Variants in HAUS8 observed in about 807,000 individuals in gnomAD.
HAUS8 encodes the protein HAUS augmin-like complex subunit 8.
HAUS8 carries 38 observed loss-of-function variants against 42.9 expected under a neutral mutation model. That is an observed-to-expected ratio of 0.89 (90% CI 0.68 to 1.16). The LOEUF (loss-of-function observed/expected upper bound fraction) is 1.16, where lower values mean the gene tolerates loss of function less well. Ranked by LOEUF, HAUS8 falls within the 50% of genes most tolerant of loss-of-function variation. The pLI is 0.00. For missense variants in HAUS8, 494 were observed against 511.6 expected, an observed-to-expected ratio of 0.97 and a Z score of 0.33; for synonymous variants, 199 against 205.8, an observed-to-expected ratio of 0.97 and a Z score of 0.28.
At position 17,062,156 on chromosome 19, in the gene HAUS8, G is replaced by A. The variant is rs150445971; in HGVS notation, c.229+542C>T. 1.4e-3 allele frequency among the ~76,000 whole-genome samples: 213 copies of A among 152,266 alleles called. 1 individual carries two copies. The highest frequency in any genetic ancestry group is 4.8e-3 in the African/African-American group (200 of 41,546). On this transcript the variant is annotated intron_variant, in intron 4 of 10. Coordinates refer to ENST00000253669, the MANE Select transcript of HAUS8 (RefSeq NM_033417.2). Reference sequence around the variant, plus strand: ...ATGTTGTTGAGACGGTGTCTCACTCGGTTGCCCAGGCTGGCATGCAATGGA... The same window carrying A: ...ATGTTGTTGAGACGGTGTCTCACTCAGTTGCCCAGGCTGGCATGCAATGGA...
intron 10 of HAUS8, chr19:17,052,541 C>T: frequency 3.5e-6 from 1 of 281,756 alleles, no homozygotes; most frequent in Non-Finnish European, 6.8e-6. Context: ...TCTGCCACTG[C>T]ACTCCAGCCT....
intron 8 of HAUS8, among the ~76,000 whole-genome samples, chr19:17,058,119 G>A (rs1214787740): frequency 6.6e-6 from 1 of 152,208 alleles, no homozygotes; most frequent in African/African-American, 2.4e-5. Context: ...ACTGGGTGGG[G>A]GGTCCGCCCC....
chr19:17,063,205 A>G (rs2057370843), intron 3 of HAUS8, among the ~76,000 whole-genome samples: 1 of 152,230 alleles, frequency 6.6e-6, no homozygotes, highest in African/African-American at 2.4e-5. Flanking sequence ...AAAATCTTAT[A>G]AAGAGCAATG....
chr19:17,072,968 A>AG (rs35022431), intron 2 of HAUS8, among the ~76,000 whole-genome samples: 1 of 150,450 alleles, frequency 6.6e-6, no homozygotes, highest in African/African-American at 2.4e-5. Context: ...AAAAAAAAAA[A>AG]GGCAGAGTTT....
chr19:17,063,718 C>T (rs1024872465), intron 3 of HAUS8, among the ~76,000 whole-genome samples: 2 of 152,132 alleles, frequency 1.3e-5, no homozygotes, highest in African/African-American at 2.4e-5. Flanking sequence ...GGCCTGAATA[C>T]AACAAAACAG....
rs746719670 is a variant in HAUS8 at position 17,055,143 on chromosome 19, AAT to A, written c.787+716_787+717del. 3.4e-3 allele frequency: 52 copies of A among 15,502 alleles called. 1 individual carries two copies. Among genetic ancestry groups the A allele is most frequent in the East Asian group, 0.012 (5 of 420 alleles). The allele number at this position is 15,502 out of a possible 1,614,324, so 1.0% of individuals were successfully genotyped here. A position where few individuals can be genotyped will look rare whatever the true frequency, so the allele number is the denominator to read the frequency against. ...AAAAAAAAAAAAAAAAAAAAAAAAA[AAT>A]ATATATATATATATATATATATATA... On this transcript the variant is annotated intron_variant, in intron 9 of 10. Coordinates refer to ENST00000253669, the MANE Select transcript of HAUS8 (RefSeq NM_033417.2).
At position 17,055,919 on chromosome 19, in the gene HAUS8, GGTA is replaced by G. The variant is rs777301806; in HGVS notation, c.726_728del (p.Thr243del). On this transcript the variant is annotated inframe_deletion, in exon 9 of 11. Coordinates refer to ENST00000253669, the MANE Select transcript of HAUS8 (RefSeq NM_033417.2). ...TGGACCTCACGGGCAGCTCGTGCCT[GGTA>G]GTGTCCAGGGCCGTGGCGAATGTCC... is the stretch of plus-strand genomic sequence containing the variant. 2.7e-5 allele frequency: 44 copies of G among 1,614,086 alleles called. No individual in the cohort carries two copies. The highest frequency in any genetic ancestry group is 3.6e-5 in the Non-Finnish European group (43 of 1,180,034).
At position 17,059,749 on chromosome 19, in the gene HAUS8, C is replaced by T. The variant is rs191106666; in HGVS notation, c.326-98G>A. ...AATGATGGGTTTATTGGGATGTAAC[C>T]CCATCATAAATTGAGGAGTATATGG... On this transcript the variant is annotated intron_variant, in intron 5 of 10. Coordinates refer to ENST00000253669, the MANE Select transcript of HAUS8 (RefSeq NM_033417.2). The T allele has an allele frequency of 2.2e-4, 173 of 802,368 alleles. No individual in the cohort carries two copies. The East Asian group carries it at 3.4e-3, about 16-fold the overall frequency. The allele number at this position is 802,368 out of a possible 1,614,324, so 49.7% of individuals were successfully genotyped here.
intron 4 of HAUS8, 133 bp from the exon 5 acceptor site, chr19:17,060,225 TAAAAAAAAA>T: frequency 1.1e-5 from 3 of 278,132 alleles, no homozygotes; most frequent in South Asian, 9.7e-5. Flanking sequence ...GTGGAAAGGC[TAAAAAAAAA>T]AAAAAAAAAA....
At chr19:17,069,447 CG>C (rs1254871374) in intron 2 of HAUS8, among the ~76,000 whole-genome samples, 1 of 151,022 alleles carries the variant, frequency 6.6e-6, no homozygotes, top group Non-Finnish European at 1.5e-5. Flanking sequence ...CCTCCCATCT[CG>C]TGTGACCCCA....
chr19:17,066,000 ACT>A (rs1206704700), intron 3 of HAUS8, among the ~76,000 whole-genome samples: 2 of 150,264 alleles, frequency 1.3e-5, no homozygotes, highest in Non-Finnish European at 3.0e-5. Context: ...ACAGGATCTC[ACT>A]GTCACTCAAG....
chr19:17,060,091 T>C lies in HAUS8; in HGVS notation c.231A>G (p.Ala77=). 1.2e-6 allele frequency: 2 copies of C among 1,607,250 alleles called. No homozygotes were observed. The highest frequency in any genetic ancestry group is 1.7e-6 in the Non-Finnish European group (2 of 1,173,922). The stretch of plus-strand genomic sequence containing the variant: ...CACCCTTTCCGACCCCACTGCTATC[T>C]GCTGTTAAGAAAAGAATCCCCGAAA... The part of the protein sequence containing the change: ...RKSSLLQKSK[A]DSSGVGKGDL... Residue 77 remains alanine, a splice_region_variant and synonymous_variant, in exon 5 of 11, where the codon GCA becomes GCG. Coordinates refer to ENST00000253669, the MANE Select transcript of HAUS8 (RefSeq NM_033417.2).
chr19:17,061,133 CTTTT>C (rs5827355), intron 4 of HAUS8, among the ~76,000 whole-genome samples: 5 of 140,812 alleles, frequency 3.6e-5, no homozygotes, highest in Non-Finnish European at 1.5e-5. Context: ...TGGAAATTTT[CTTTT>C]TTTTTTTTTT....
chr19:17,072,629 C>G (rs1026634441), intron 2 of HAUS8, among the ~76,000 whole-genome samples: 1 of 151,910 alleles, frequency 6.6e-6, no homozygotes, highest in African/African-American at 2.4e-5. Flanking sequence ...CGTGAGCCAC[C>G]GTGTCCAGCC....
At chr19:17,069,354 G>T (rs967190302) in intron 2 of HAUS8, among the ~76,000 whole-genome samples, 1 of 151,806 alleles carries the variant, frequency 6.6e-6, no homozygotes, top group African/African-American at 2.4e-5. Flanking sequence ...ACCCTCCAAG[G>T]TCAAAGCTGC....
chr19:17,054,950 G>A (rs2057310551), intron 9 of HAUS8: 1 of 148,244 alleles, frequency 6.7e-6, no homozygotes, highest in Non-Finnish European at 1.5e-5. Context: ...CAGGCTGGGT[G>A]ACTACGCTAG....
At chr19:17,053,466 G>A (rs900926251) in intron 9 of HAUS8, 3 of 158,208 alleles carry the variant, frequency 1.9e-5, no homozygotes, top group Non-Finnish European at 2.8e-5. Context: ...TTTAAGTGCC[G>A]TATCAGCCAG....
chr19:17,063,747 A>C (rs1469710292), intron 3 of HAUS8, among the ~76,000 whole-genome samples: 1 of 152,142 alleles, frequency 6.6e-6, no homozygotes, highest in Non-Finnish European at 1.5e-5. Flanking sequence ...GGAGAAATTC[A>C]TACCTTTTGC....
At chr19:17,072,681 C>G (rs1034617890) in intron 2 of HAUS8, among the ~76,000 whole-genome samples, 3 of 151,762 alleles carry the variant, frequency 2.0e-5, no homozygotes, top group African/African-American at 4.8e-5. Flanking sequence ...CAGAGTCTCA[C>G]TCTGTCGCCC....
Sources: gnomAD v4.1 joint callset for allele counts (sites outside exome capture counted in the v4.1 genomes callset) on GRCh38, gnomAD v4.1.1 for gene constraint, MANE v1.5 for transcripts, NCBI Gene and HGNC (gene_info 2026-07-23, HGNC 2026-07-21) for gene names.